Variants in GRM5 observed in about 807,000 individuals in gnomAD.
GRM5 encodes the protein glutamate metabotropic receptor 5, also known as metabotropic glutamate receptor 5.
A neutral mutation model predicts 83.1 loss-of-function variants in GRM5; 19 were observed. That is an observed-to-expected ratio of 0.23 (90% CI 0.16 to 0.34). The LOEUF (loss-of-function observed/expected upper bound fraction) is 0.34. GRM5 is among the 10% of genes least tolerant of loss of function. The probability of loss-of-function intolerance (pLI) is 1.00; values close to 1 mark genes in which losing one functional copy is unlikely to be tolerated. For synonymous variants in GRM5, 675 were observed against 633.6 expected (o/e 1.07, Z -0.98); for missense variants, 1,160 against 1,588.3 (o/e 0.73, Z 4.58).
chr11:88,560,343 T>C (rs1942726699), intron 8 of GRM5, among the ~76,000 whole-genome samples: 1 of 152,126 alleles, frequency 6.6e-6, no homozygotes, highest in Admixed American at 6.6e-5. Flanking sequence ...TCTGTTTCTC[T>C]ATAGGCTCCT....
At chr11:88,671,877 T>A (rs562584564) in intron 3 of GRM5, among the ~76,000 whole-genome samples, 1 of 152,114 alleles carries the variant, frequency 6.6e-6, no homozygotes, top group Non-Finnish European at 1.5e-5. Flanking sequence ...GTTAATTTCA[T>A]GCAAATTCAA....
intron 3 of GRM5, among the ~76,000 whole-genome samples, chr11:88,688,317 C>G (rs1183154521): frequency 6.6e-6 from 1 of 152,124 alleles, no homozygotes; most frequent in South Asian, 2.1e-4. Context: ...CTTAATTGTA[C>G]TTAATATTAA....
chr11:88,781,285 T>C lies in GRM5; in HGVS notation c.911+68621A>G, dbSNP rs370703558. Among the ~76,000 whole-genome samples the C allele has an allele frequency of 2.5e-4, 38 of 152,030 alleles. 1 individual carries two copies. The highest frequency in any genetic ancestry group is 1.4e-3 in the Admixed American group (21 of 15,242). ...GACGCATGTATGTGATTATCATAAC[T>C]GGGCATGTCTGACTCTAAAGAGTAT... On this transcript the variant is annotated intron_variant, in intron 3 of 9. Coordinates refer to ENST00000305447, the MANE Select transcript of GRM5 (RefSeq NM_001143831.3).
intron 3 of GRM5, among the ~76,000 whole-genome samples, chr11:88,757,537 CAG>C (rs1439741261): frequency 1.3e-5 from 2 of 152,138 alleles, no homozygotes; most frequent in African/African-American, 2.4e-5. Flanking sequence ...TGAGCAGCCA[CAG>C]AGAGAGCACA....
intron 3 of GRM5, among the ~76,000 whole-genome samples, chr11:88,781,720 G>A (rs1316510252): frequency 2.0e-5 from 3 of 152,200 alleles, no homozygotes; most frequent in Non-Finnish European, 2.9e-5. Flanking sequence ...AAAGCAGGAA[G>A]ACATTAATGT....
intron 8 of GRM5, among the ~76,000 whole-genome samples, chr11:88,528,640 C>A (rs1175878070): frequency 6.6e-6 from 1 of 151,686 alleles, no homozygotes; most frequent in East Asian, 1.9e-4. Context: ...AACACCCATA[C>A]ACTCATACTT....
At chr11:88,791,140 A>G (rs1943165787) in intron 3 of GRM5, among the ~76,000 whole-genome samples, 1 of 152,184 alleles carries the variant, frequency 6.6e-6, no homozygotes, top group Admixed American at 6.6e-5. Context: ...CCTTAATTAA[A>G]ATTTAGGGAT....
At chr11:88,615,248 T>G (rs1434568752) in intron 4 of GRM5, among the ~76,000 whole-genome samples, 1 of 151,916 alleles carries the variant, frequency 6.6e-6, no homozygotes, top group Non-Finnish European at 1.5e-5. Flanking sequence ...GATTGCAAAC[T>G]CCTCCCCCTC....
At chr11:88,571,804 G>A (rs1565343956) in intron 7 of GRM5, among the ~76,000 whole-genome samples, 1 of 152,160 alleles carries the variant, frequency 6.6e-6, no homozygotes, top group Non-Finnish European at 1.5e-5. Flanking sequence ...GGGCAGGACT[G>A]GTGGTGGTGT....
chr11:88,882,546 G>A (rs977155516), intron 2 of GRM5, among the ~76,000 whole-genome samples: 1 of 148,132 alleles, frequency 6.8e-6, no homozygotes, highest in Non-Finnish European at 1.5e-5. Flanking sequence ...GGGCAAAAGA[G>A]CGAGACTCTG....
intron 3 of GRM5, among the ~76,000 whole-genome samples, chr11:88,757,906 C>T (rs548136604): frequency 2.8e-4 from 43 of 152,230 alleles, no homozygotes; most frequent in African/African-American, 9.1e-4. Context: ...TAGTTGGTTT[C>T]TAACCTTGAG....
At chr11:88,668,823 C>T (rs1322321803) in intron 3 of GRM5, among the ~76,000 whole-genome samples, 1 of 152,112 alleles carries the variant, frequency 6.6e-6, no homozygotes, top group African/African-American at 2.4e-5. Flanking sequence ...ATCCCCCCAA[C>T]CCCTGGCAAC....
At chr11:89,059,792 TA>T (rs929820228) in intron 1 of GRM5, among the ~76,000 whole-genome samples, 6 of 152,000 alleles carry the variant, frequency 3.9e-5, no homozygotes, top group South Asian at 4.2e-4. Context: ...TTATGTCTTC[TA>T]AAAAAAATGG....
chr11:88,995,348 T>A (rs1940147414), intron 2 of GRM5, among the ~76,000 whole-genome samples: 1 of 151,612 alleles, frequency 6.6e-6, no homozygotes, highest in African/African-American at 2.4e-5. Flanking sequence ...AGATCAAGAC[T>A]ATCCTGGCCA....
At chr11:88,936,538 AC>A (rs1401916797) in intron 2 of GRM5, among the ~76,000 whole-genome samples, 2 of 151,920 alleles carry the variant, frequency 1.3e-5, no homozygotes, top group East Asian at 3.9e-4. Context: ...AACATGGAAA[AC>A]AATGTGAAAT....
At position 88,899,907 on chromosome 11, in the gene GRM5, C is replaced by T. The variant is rs183213611; in HGVS notation, c.662-49752G>A. On this transcript the variant is annotated intron_variant, in intron 2 of 9. Transcript: ENST00000305447. Reference sequence around the variant, plus strand: ...CACAATATATTTTTGTCCAGTCCACCGAAATTTGAGTTTGATTCACTCACA... The same window carrying T: ...CACAATATATTTTTGTCCAGTCCACTGAAATTTGAGTTTGATTCACTCACA... 3.5e-4 allele frequency among the ~76,000 whole-genome samples: 53 copies of T among 152,002 alleles called. 1 individual carries two copies. In the South Asian group the frequency reaches 5.0e-3, roughly 14 times the overall value.
chr11:88,853,966 C>A (rs1944428256), intron 2 of GRM5, among the ~76,000 whole-genome samples: 1 of 150,784 alleles, frequency 6.6e-6, no homozygotes, highest in African/African-American at 2.4e-5. Flanking sequence ...ACCTTTCCAG[C>A]TAATTTTAAC....
intron 8 of GRM5, among the ~76,000 whole-genome samples, chr11:88,541,452 A>G (rs765502759): frequency 9.9e-5 from 15 of 152,216 alleles, no homozygotes; most frequent in Non-Finnish European, 1.8e-4. Flanking sequence ...ACACAGATAC[A>G]TGTATATACA....
intron 2 of GRM5, among the ~76,000 whole-genome samples, chr11:89,018,491 C>T (rs868740896): frequency 6.6e-6 from 1 of 152,120 alleles, no homozygotes; most frequent in African/African-American, 2.4e-5. Context: ...TTTATTTGTT[C>T]TAACATTGAT....
Sources: allele counts gnomAD v4.1 joint callset (sites outside exome capture counted in the v4.1 genomes callset), GRCh38; gene constraint gnomAD v4.1.1; transcripts MANE v1.5; gene names NCBI Gene and HGNC (gene_info 2026-07-23, HGNC 2026-07-21).